ALDH1L2: variants seen among roughly 807,000 people sequenced by gnomAD.
The protein encoded by ALDH1L2 is aldehyde dehydrogenase 1 family member L2.
A neutral mutation model predicts 111.0 loss-of-function variants in ALDH1L2; 91 were observed. That is an observed-to-expected ratio of 0.82 (90% CI 0.69 to 0.98). ALDH1L2 has a LOEUF of 0.98. ALDH1L2 is among the 50% of genes least tolerant of loss of function. ALDH1L2 has a pLI of 0.00. For synonymous variants in ALDH1L2, 374 were observed against 392.6 expected, an observed-to-expected ratio of 0.95 and a Z score of 0.56; for missense variants, 995 against 1,126.8, an observed-to-expected ratio of 0.88 and a Z score of 1.67.
intron 20 of ALDH1L2, among the ~76,000 whole-genome samples, chr12:105,030,923 C>A (rs1360826055): frequency 6.6e-6 from 1 of 152,094 alleles, no homozygotes; most frequent in African/African-American, 2.4e-5. Flanking sequence ...GATTCAAATT[C>A]TTCTACACAT....
chr12:105,023,376 G>A lies in ALDH1L2; in HGVS notation c.*1048C>T, dbSNP rs1401843767. The A allele has an allele frequency of 1.3e-5, 2 of 152,176 alleles. No individual in the cohort carries two copies. Among genetic ancestry groups the A allele is most frequent in the Non-Finnish European group, 2.9e-5 (2 of 68,036 alleles). The allele number at this position is 152,176 out of a possible 1,614,324, so 9.4% of individuals were successfully genotyped here. On this transcript the variant is annotated 3_prime_UTR_variant, in exon 23 of 23. Coordinates refer to ENST00000258494, the MANE Select transcript of ALDH1L2 (RefSeq NM_001034173.4). ...ATTTTTCATTGTGTGGCATTTTTCA[G>A]TGCTGCTGTATCAGGCATTGTGTCA...
rs1238528358 is a variant in ALDH1L2, at chr12:105,084,453, AG to A, written c.-18del. ...CCGCAGCATGCTGGAGAGGAGCGCT[AG>A]CACTGGCGACGCGGCAGCGCGGGAG... is the stretch of plus-strand genomic sequence containing the variant. On this transcript the variant is annotated 5_prime_UTR_variant, in exon 1 of 23. Coordinates refer to ENST00000258494, the MANE Select transcript of ALDH1L2 (RefSeq NM_001034173.4). The A allele has an allele frequency of 6.3e-6, 9 of 1,422,658 alleles. No individual in the cohort carries two copies. The highest frequency in any genetic ancestry group is 6.1e-5 in the Admixed American group (2 of 32,640). 88.1% of individuals were successfully genotyped at this position (1,422,658 alleles called of 1,614,324 possible). A position where few individuals can be genotyped will look rare whatever the true frequency, so the allele number is the denominator to read the frequency against.
In ALDH1L2 at chr12:105,020,822, A is replaced by G. The variant is rs1451871259; in HGVS notation, c.*3602T>C. ...CAGTGGTGTGCTGGTGCTGGCTTGC[A>G]TTTGTTCTGATGGCATGCATCTCTT... On this transcript the variant is annotated 3_prime_UTR_variant, in exon 23 of 23. Transcript: ENST00000258494. 1 of 152,228 alleles carries G rather than the reference A, an allele frequency of 6.6e-6. No homozygotes were observed. Among genetic ancestry groups the G allele is most frequent in the Non-Finnish European group, 1.5e-5 (1 of 68,066 alleles). The allele number at this position is 152,228 out of a possible 1,614,324, so 9.4% of individuals were successfully genotyped here. A position where few individuals can be genotyped will look rare whatever the true frequency, so the allele number is the denominator to read the frequency against.
In ALDH1L2 at chr12:105,021,289, G is replaced by A. The variant is rs1336135311; in HGVS notation, c.*3135C>T. 1 of 152,486 alleles carries A rather than the reference G, an allele frequency of 6.6e-6. No individual in the cohort carries two copies. The highest frequency in any genetic ancestry group is 6.5e-5 in the Admixed American group (1 of 15,268). 9.4% of individuals were successfully genotyped at this position (152,486 alleles called of 1,614,324 possible). A position where few individuals can be genotyped will look rare whatever the true frequency, so the allele number is the denominator to read the frequency against. On this transcript the variant is annotated 3_prime_UTR_variant, in exon 23 of 23. Transcript: ENST00000258494. Reference sequence around the variant, plus strand: ...ATCCAGAAGACCAGTTGGGAGACTTGAGCAAAATTGTAGGAAAGAGGTAAC... The same window carrying A: ...ATCCAGAAGACCAGTTGGGAGACTTAAGCAAAATTGTAGGAAAGAGGTAAC...
At chr12:105,069,098 T>G (rs1877537690) in intron 3 of ALDH1L2, among the ~76,000 whole-genome samples, 1 of 152,184 alleles carries the variant, frequency 6.6e-6, no homozygotes, top group Non-Finnish European at 1.5e-5. Flanking sequence ...TCATATCTTG[T>G]CTTTCTTGTT....
rs911454697 is a variant in ALDH1L2, at chr12:105,030,245, G to A, written c.2516+79C>T. The A allele has an allele frequency of 8.7e-6, 8 of 918,774 alleles. No individual in the cohort carries two copies. In the East Asian group the frequency reaches 2.1e-4, roughly 24 times the overall value. The allele number at this position is 918,774 out of a possible 1,614,324, so 56.9% of individuals were successfully genotyped here. Reference sequence around the variant, plus strand: ...ATTACATGTTCATTAATCTTATGCTGTGTATATAGCACAGTGGCAAAGGGG... The same window carrying A: ...ATTACATGTTCATTAATCTTATGCTATGTATATAGCACAGTGGCAAAGGGG... On this transcript the variant is annotated intron_variant, in intron 21 of 22. Transcript: ENST00000258494.
At chr12:105,074,562 C>T (rs745846043) in intron 1 of ALDH1L2, among the ~76,000 whole-genome samples, 7 of 151,834 alleles carry the variant, frequency 4.6e-5, no homozygotes, top group Non-Finnish European at 8.8e-5. Flanking sequence ...GCAGTGCCTC[C>T]GCAGAACTCT....
chr12:105,046,449 C>T (rs1413962527), intron 15 of ALDH1L2, among the ~76,000 whole-genome samples: 3 of 151,148 alleles, frequency 2.0e-5, no homozygotes, highest in South Asian at 2.1e-4. Context: ...TGAATTGGTT[C>T]GTAGAAAGTC....
chr12:105,052,811 C>T lies in ALDH1L2; in HGVS notation c.1407+1G>A. The T allele has an allele frequency of 6.2e-7, 1 of 1,614,082 alleles. No homozygotes were observed. Among genetic ancestry groups the T allele is most frequent in the Non-Finnish European group, 8.5e-7 (1 of 1,179,986 alleles). On this transcript the variant is annotated splice_donor_variant, in intron 11 of 22. Transcript: ENST00000258494. LOFTEE classifies it high-confidence loss of function. ...ACTACTCACACTAAAGAATTACTCACAGATCCATCTGTTGGGTTGATAGTG... is the reference window on the plus strand; with the variant it reads ...ACTACTCACACTAAAGAATTACTCATAGATCCATCTGTTGGGTTGATAGTG...
intron 15 of ALDH1L2, among the ~76,000 whole-genome samples, chr12:105,046,213 ATATATATATTTTTTT>A (rs1875880863): frequency 2.3e-5 from 1 of 43,398 alleles, no homozygotes; most frequent in African/African-American, 1.0e-4. Flanking sequence ...ATATATATAT[ATATATATATTTTTTT>A]TTTTTTTTTT....
chr12:105,075,313 G>A (rs952832254), intron 1 of ALDH1L2, among the ~76,000 whole-genome samples: 3 of 152,188 alleles, frequency 2.0e-5, no homozygotes, highest in African/African-American at 4.8e-5. Flanking sequence ...GGCCGGGCGC[G>A]GTGGCTCACG....
At position 105,066,670 on chromosome 12, in the gene ALDH1L2, C is replaced by T. The variant is rs1398671488; in HGVS notation, c.595-1G>A. 6.2e-6 allele frequency: 10 copies of T among 1,613,852 alleles called. No individual in the cohort carries two copies. The highest frequency in any genetic ancestry group is 8.5e-6 in the Non-Finnish European group (10 of 1,179,788). On this transcript the variant is annotated splice_acceptor_variant, in intron 4 of 22. Coordinates refer to ENST00000258494, the MANE Select transcript of ALDH1L2 (RefSeq NM_001034173.4). LOFTEE classifies it high-confidence loss of function. ...CAGCTATGAGTTGGACAGCTTCTAC[C>T]TAAGGCCAAAGACATCACCTGTGTT...
In ALDH1L2 at chr12:105,039,828, C is replaced by T. The variant is rs769462748; in HGVS notation, c.1952-22G>A. The T allele has an allele frequency of 1.1e-5, 17 of 1,611,570 alleles. No individual in the cohort carries two copies. In the East Asian group the frequency reaches 1.1e-4, roughly 11 times the overall value. Reference sequence around the variant, plus strand: ...CCACCTGTAGAATTAGGGAATAAAACGGGAATTAAAACATACTCAAGGCCG... The same window carrying T: ...CCACCTGTAGAATTAGGGAATAAAATGGGAATTAAAACATACTCAAGGCCG... On this transcript the variant is annotated intron_variant, in intron 16 of 22. Coordinates refer to ENST00000258494, the MANE Select transcript of ALDH1L2 (RefSeq NM_001034173.4).
rs1343196401 is a variant in ALDH1L2, at chr12:105,083,824, G to A, written c.48+565C>T. 2.0e-5 allele frequency among the ~76,000 whole-genome samples: 3 copies of A among 152,210 alleles called. No individual in the cohort carries two copies. In the East Asian group the frequency reaches 5.8e-4, roughly 29 times the overall value. ...AGCGTGGCTGCCTCTGCAGCGCCTG[G>A]CAATTCTAGAAATTTTGCCATCTGC... On this transcript the variant is annotated intron_variant, in intron 1 of 22. Transcript: ENST00000258494.
intron 18 of ALDH1L2, among the ~76,000 whole-genome samples, chr12:105,036,571 G>C (rs1875163715): frequency 1.2e-5 from 1 of 84,726 alleles, no homozygotes; most frequent in Non-Finnish European, 2.3e-5. Context: ...TATATAAAAT[G>C]GATGTGGCTG....
chr12:105,058,301 G>A, intron 9 of ALDH1L2, 81 bp from the exon 10 acceptor site: 4 of 1,449,928 alleles, frequency 2.8e-6, no homozygotes, highest in South Asian at 2.9e-5. Flanking sequence ...TTGTCAAGTT[G>A]TTTTGAGGTA....
chr12:105,047,023 C>A (rs1875965014), intron 13 of ALDH1L2, 54 bp from the exon 14 acceptor site: 2 of 1,563,272 alleles, frequency 1.3e-6, no homozygotes, highest in African/African-American at 2.7e-5. Context: ...AAGTAAATTT[C>A]ATCTCAAAGG....
chr12:105,071,324 A>G (rs1414549739), intron 2 of ALDH1L2, among the ~76,000 whole-genome samples: 5 of 151,968 alleles, frequency 3.3e-5, no homozygotes, highest in African/African-American at 7.3e-5. Flanking sequence ...CCTTCTCCCA[A>G]ATTCACCAAA....
At chr12:105,054,578 G>C (rs895246034) in intron 10 of ALDH1L2, among the ~76,000 whole-genome samples, 2 of 152,184 alleles carry the variant, frequency 1.3e-5, no homozygotes, top group Non-Finnish European at 2.9e-5. Flanking sequence ...GTAGCCTCTG[G>C]TGGGGATGAA....
Sources: allele counts gnomAD v4.1 joint callset (sites outside exome capture counted in the v4.1 genomes callset), GRCh38; gene constraint gnomAD v4.1.1; transcripts MANE v1.5; gene names NCBI Gene and HGNC (gene_info 2026-07-23, HGNC 2026-07-21).